Variants in PLXNA4 observed in about 807,000 individuals in gnomAD.
PLXNA4 encodes the protein plexin-A4.
PLXNA4 carries 44 observed loss-of-function variants against 191.8 expected under a neutral mutation model. The observed-to-expected ratio is 0.23, with a 90% CI of 0.18 to 0.29. PLXNA4 has a LOEUF of 0.29. Ranked by LOEUF, PLXNA4 falls within the 10% of genes least tolerant of loss-of-function variation. The pLI is 1.00. For missense variants in PLXNA4, 1,800 were observed against 2,488.8 expected, an observed-to-expected ratio of 0.72 and a Z score of 5.89; for synonymous variants, 1,082 against 1,009.5, an observed-to-expected ratio of 1.07 and a Z score of -1.36.
In PLXNA4 at chr7:132,298,181, C is replaced by A; in HGVS notation, c.1413G>T (p.Glu471Asp). 6.2e-7 allele frequency: 1 copy of A among 1,614,198 alleles called. No individual in the cohort carries two copies. The highest frequency in any genetic ancestry group is 2.2e-5 in the East Asian group (1 of 44,884). The change falls in exon 4 of 32, where the codon GAG becomes GAT. Residue 471 changes from glutamate to aspartate, a missense_variant. Physicochemically the swap from Glu to Asp is conservative, Grantham distance 45. Transcript: ENST00000321063. ...GGCCGGGGTCCACCACCTGCACCGT[C>A]TCATACTGGAGGGCGTTGCCCCTGG... ...DGPRGNALQY[E>D]TVQVVDPGPV...
Position 132,508,911 on chromosome 7 carries a change from G to C in PLXNA4, c.-86-132C>G. 1.1e-6 allele frequency: 1 copy of C among 924,198 alleles called. No individual in the cohort carries two copies. The highest frequency in any genetic ancestry group is 2.6e-5 in the South Asian group (1 of 37,750). The allele number at this position is 924,198 out of a possible 1,614,324, so 57.2% of individuals were successfully genotyped here. On this transcript the variant is annotated intron_variant, in intron 1 of 31. Transcript: ENST00000321063. The surrounding 1 kb of genome is among the most constrained non-coding windows in gnomAD (Gnocchi z 4.4). ...ACTGCACTGGGGGGTGCTGGAGGCT[G>C]ACTGAGTCAACCCCCACCACGGGCA... is the stretch of plus-strand genomic sequence containing the variant.
chr7:132,421,869 T>C (rs185261317), intron 3 of PLXNA4, among the ~76,000 whole-genome samples: 54 of 152,288 alleles, frequency 3.5e-4, no homozygotes, highest in Middle Eastern at 3.4e-3. Flanking sequence ...AACCCCAGCT[T>C]AGAACTGAGA....
intron 3 of PLXNA4, among the ~76,000 whole-genome samples, chr7:132,473,442 C>G (rs1797005120): frequency 6.6e-6 from 1 of 152,148 alleles, no homozygotes; most frequent in Non-Finnish European, 1.5e-5. Flanking sequence ...ACCCCTGTCT[C>G]CTGCTTCTGT....
At chr7:132,196,721 C>G (rs1186376051) in intron 13 of PLXNA4, among the ~76,000 whole-genome samples, 1 of 152,224 alleles carries the variant, frequency 6.6e-6, no homozygotes, top group Non-Finnish European at 1.5e-5. Context: ...TTTCCCCTTA[C>G]ACCATGAGTG....
At chr7:132,616,826 CTG>C (rs1458362983) in intron 2 of PLXNA4, among the ~76,000 whole-genome samples, 9 of 152,166 alleles carry the variant, frequency 5.9e-5, no homozygotes, top group East Asian at 1.9e-4. Flanking sequence ...CTGTGGTAGA[CTG>C]TGCGGTTCTC....
intron 1 of PLXNA4, among the ~76,000 whole-genome samples, chr7:132,533,961 TAAC>T (rs1799730591): frequency 6.6e-6 from 1 of 151,954 alleles, no homozygotes; most frequent in Non-Finnish European, 1.5e-5. Context: ...ATTATTATGT[TAAC>T]AAGTCACCAG....
chr7:132,594,736 C>T (rs758942451), intron 2 of PLXNA4, among the ~76,000 whole-genome samples: 2 of 152,248 alleles, frequency 1.3e-5, no homozygotes, highest in African/African-American at 4.8e-5. Flanking sequence ...TCTCCAGCTG[C>T]GTGGATAGGC....
intron 2 of PLXNA4, among the ~76,000 whole-genome samples, chr7:132,626,072 C>G (rs1437939417): frequency 6.6e-6 from 1 of 152,190 alleles, no homozygotes; most frequent in East Asian, 1.9e-4. Flanking sequence ...AGAACCCAGC[C>G]TTACAAGCAA....
chr7:132,430,077 A>C (rs1795203352), intron 3 of PLXNA4, among the ~76,000 whole-genome samples: 1 of 152,194 alleles, frequency 6.6e-6, no homozygotes, highest in Admixed American at 6.5e-5. Flanking sequence ...ATAAGAGACC[A>C]ACATCCTGAG....
intron 2 of PLXNA4, among the ~76,000 whole-genome samples, chr7:132,630,542 C>T (rs1359937725): frequency 6.7e-6 from 1 of 148,636 alleles, no homozygotes; most frequent in Non-Finnish European, 1.5e-5. Context: ...GAATGAGTCT[C>T]ACTCTGTCAC....
At chr7:132,231,015 C>T (rs1798506798) in intron 5 of PLXNA4, among the ~76,000 whole-genome samples, 1 of 152,174 alleles carries the variant, frequency 6.6e-6, no homozygotes, top group Non-Finnish European at 1.5e-5. Context: ...TTGCTTGCTG[C>T]TTCCAAAGTT....
At chr7:132,187,953 CATT>C (rs1237623278) in intron 14 of PLXNA4, among the ~76,000 whole-genome samples, 1 of 151,738 alleles carries the variant, frequency 6.6e-6, no homozygotes, top group Non-Finnish European at 1.5e-5. Flanking sequence ...TTAAAGTAGG[CATT>C]ATTATTTTAC....
chr7:132,203,560 CTG>C (rs1329163694), intron 10 of PLXNA4, 141 bp from the exon 11 acceptor site: 3 of 701,714 alleles, frequency 4.3e-6, no homozygotes, highest in Admixed American at 2.3e-5. Context: ...ATGTGTCTAC[CTG>C]TGTGCATACA....
chr7:132,560,006 C>A (rs977596083), intron 1 of PLXNA4, among the ~76,000 whole-genome samples: 3 of 152,200 alleles, frequency 2.0e-5, no homozygotes, highest in African/African-American at 4.8e-5. Context: ...TGGCACTTGA[C>A]ACGCCTGGAC....
chr7:132,186,883 A>G (rs1283347114), intron 15 of PLXNA4, among the ~76,000 whole-genome samples: 1 of 152,198 alleles, frequency 6.6e-6, no homozygotes, highest in Non-Finnish European at 1.5e-5. Flanking sequence ...CAAATTCGCC[A>G]CAAGATCAGA....
chr7:132,143,235 G>T (rs897408246), intron 29 of PLXNA4, among the ~76,000 whole-genome samples: 1 of 152,132 alleles, frequency 6.6e-6, no homozygotes, highest in Non-Finnish European at 1.5e-5. Context: ...CCTCAGCATA[G>T]CAATAGATCA....
chr7:132,152,969 A>C (rs940870239), intron 25 of PLXNA4, among the ~76,000 whole-genome samples: 1 of 152,214 alleles, frequency 6.6e-6, no homozygotes, highest in Non-Finnish European at 1.5e-5. Context: ...ATGTGCCCCC[A>C]GTGTGCTGGG....
intron 2 of PLXNA4, among the ~76,000 whole-genome samples, chr7:132,597,288 T>G (rs1802729169): frequency 6.6e-6 from 1 of 152,224 alleles, no homozygotes; most frequent in Non-Finnish European, 1.5e-5. Flanking sequence ...TTGTCTTCTC[T>G]ATAAGGCCAC....
rs931054839 is a variant in PLXNA4, at chr7:132,384,647, G to C, written c.1372-86425C>G. ...TTCTCTTTCCCGCAGAGGCTGGGAT[G>C]GTTCTGAGCACTGAGTTAATTACAT... On this transcript the variant is annotated intron_variant, in intron 3 of 31. Coordinates refer to ENST00000321063, the MANE Select transcript of PLXNA4 (RefSeq NM_020911.2). 1.7e-4 allele frequency: 166 copies of C among 990,278 alleles called. 1 individual carries two copies. The highest frequency in any genetic ancestry group is 1.9e-4 in the Non-Finnish European group (162 of 832,946). The allele number at this position is 990,278 out of a possible 1,614,324, so 61.3% of individuals were successfully genotyped here. A position where few individuals can be genotyped will look rare whatever the true frequency, so the allele number is the denominator to read the frequency against.
Sources: gnomAD v4.1 joint callset for allele counts (sites outside exome capture counted in the v4.1 genomes callset) on GRCh38, gnomAD v4.1.1 for gene constraint, Gnocchi (gnomAD v3.1) non-coding constraint, MANE v1.5 for transcripts, NCBI Gene and HGNC (gene_info 2026-07-23, HGNC 2026-07-21) for gene names.